The following SYTL3 variants were observed in gnomAD, a reference collection of about 807,000 sequenced individuals.
SYTL3 encodes synaptotagmin like 3, also known as synaptotagmin-like protein 3.
Under a neutral mutation model 82.1 loss-of-function variants are expected in SYTL3, and 88 were observed. That is an observed-to-expected ratio of 1.07 (90% confidence interval 0.90 to 1.28). The LOEUF is 1.28. Among genes scored for constraint, SYTL3 ranks in the 50% most tolerant of loss-of-function variants. The pLI, the probability that SYTL3 is intolerant of heterozygous loss-of-function variation, is 0.00. For synonymous variants in SYTL3, 311 were observed against 289.4 expected (o/e 1.07, Z -0.76); for missense variants, 831 against 757.6 (o/e 1.10, Z -1.14).
chr6:158,672,556 C>G (rs201212882), intron 5 of SYTL3, among the ~76,000 whole-genome samples: 5 of 126,186 alleles, frequency 4.0e-5, no homozygotes, highest in African/African-American at 1.2e-4. Context: ...TTTTTTGTTT[C>G]TTTTTTTTTT....
upstream of SYTL3, chr6:158,650,011 A>G (rs548383531): frequency 6.6e-5 from 10 of 152,214 alleles, no homozygotes; most frequent in African/African-American, 2.2e-4. Context: ...CAGTTACTCT[A>G]ACAAGAAGAA....
chr6:158,708,457 A>G, intron 8 of SYTL3, 66 bp downstream of exon 8: 2 of 1,492,780 alleles, frequency 1.3e-6, no homozygotes, highest in Non-Finnish European at 1.9e-6. Context: ...GAAGCAGGGG[A>G]GCTTTCGAGG....
chr6:158,718,720 C>T (rs1264924407), intron 10 of SYTL3, among the ~76,000 whole-genome samples: 1 of 152,238 alleles, frequency 6.6e-6, no homozygotes, highest in African/African-American at 2.4e-5. Context: ...AATAATTATT[C>T]CACCTTCCCA....
At chr6:158,652,992 T>C (rs763138402) in intron 2 of SYTL3, among the ~76,000 whole-genome samples, 2 of 152,198 alleles carry the variant, frequency 1.3e-5, no homozygotes, top group South Asian at 2.1e-4. Flanking sequence ...TGAGGTGTCA[T>C]TCGCTTCCCA....
intron 6 of SYTL3, among the ~76,000 whole-genome samples, chr6:158,692,211 TTGTG>T: frequency 8.2e-6 from 1 of 122,472 alleles, no homozygotes; most frequent in Admixed American, 1.1e-4. Flanking sequence ...TGAGCCCAGA[TTGTG>T]CCACTGCACT....
At chr6:158,667,958 T>A (rs9457426) in intron 5 of SYTL3, among the ~76,000 whole-genome samples, 33,957 of 152,188 alleles carry the variant, frequency 0.22, 3,991 homozygotes, top group Non-Finnish European at 0.26. Context: ...GCTGAGTGGC[T>A]CAAGACGACT....
At chr6:158,687,832 A>G (rs1320063887) in intron 6 of SYTL3, among the ~76,000 whole-genome samples, 2 of 152,188 alleles carry the variant, frequency 1.3e-5, no homozygotes, top group East Asian at 3.8e-4. Context: ...CTTTCTGATT[A>G]CAGAAGTAAT....
At chr6:158,704,294 C>G (rs1412724970) in intron 6 of SYTL3, among the ~76,000 whole-genome samples, 1 of 152,238 alleles carries the variant, frequency 6.6e-6, no homozygotes, top group Non-Finnish European at 1.5e-5. Context: ...CGGGCCCCTC[C>G]CTGGGGCCAG....
intron 11 of SYTL3, among the ~76,000 whole-genome samples, chr6:158,732,723 G>A (rs1266774870): frequency 1.3e-5 from 2 of 152,130 alleles, no homozygotes; most frequent in East Asian, 3.8e-4. Context: ...GTAACGTCAG[G>A]CACTTCCAAG....
intron 8 of SYTL3, among the ~76,000 whole-genome samples, chr6:158,712,759 C>CTT (rs56677894): frequency 3.4e-4 from 44 of 127,658 alleles, no homozygotes; most frequent in Admixed American, 7.2e-4. Flanking sequence ...TTCTTTCTTT[C>CTT]TTTTTTTTTT....
At chr6:158,651,586 CAAAT>C (rs886903922) in intron 1 of SYTL3, among the ~76,000 whole-genome samples, 163 bp from the exon 2 acceptor site, 45 of 151,750 alleles carry the variant, frequency 3.0e-4, no homozygotes, top group South Asian at 6.2e-4. Context: ...GACTCCATCT[CAAAT>C]AAATAAATAA....
chr6:158,728,930 C>G (rs966442989), intron 11 of SYTL3, among the ~76,000 whole-genome samples: 9 of 152,160 alleles, frequency 5.9e-5, no homozygotes, highest in Non-Finnish European at 1.2e-4. Flanking sequence ...GTCCCAGCTA[C>G]TCAGGAGGCT....
intron 6 of SYTL3, among the ~76,000 whole-genome samples, chr6:158,693,228 A>AT (rs997554016): frequency 2.6e-5 from 4 of 152,080 alleles, no homozygotes; most frequent in Non-Finnish European, 5.9e-5. Flanking sequence ...CTTTTGTTTT[A>AT]TTTTTTTGAG....
chr6:158,664,852 A>G (rs1273184667), intron 4 of SYTL3, among the ~76,000 whole-genome samples: 2 of 152,080 alleles, frequency 1.3e-5, no homozygotes, highest in Non-Finnish European at 2.9e-5. Context: ...GGTCCAATAC[A>G]GTATCTCTTT....
chr6:158,758,236 T>A (rs1299754503), intron 14 of SYTL3, among the ~76,000 whole-genome samples: 1 of 152,032 alleles, frequency 6.6e-6, no homozygotes, highest in African/African-American at 2.4e-5. Context: ...GTCAGGAGAT[T>A]GAGACCATCC....
At chr6:158,736,275 C>T (rs547348784) in intron 11 of SYTL3, among the ~76,000 whole-genome samples, 9 of 151,698 alleles carry the variant, frequency 5.9e-5, no homozygotes, top group South Asian at 4.2e-4. Context: ...GGCATGAACC[C>T]GGGAGGCAGA....
intron 6 of SYTL3, among the ~76,000 whole-genome samples, chr6:158,683,536 T>A (rs1778970291): frequency 6.6e-6 from 1 of 152,172 alleles, no homozygotes; most frequent in Admixed American, 6.5e-5. Flanking sequence ...CCCCATTCTT[T>A]AAGGCTCGTG....
At chr6:158,718,544 C>T (rs889772698) in intron 10 of SYTL3, among the ~76,000 whole-genome samples, 1 of 152,232 alleles carries the variant, frequency 6.6e-6, no homozygotes, top group Non-Finnish European at 1.5e-5. Context: ...CCACACCTGC[C>T]GGGTTAGCCC....
chr6:158,652,390 AG>A (rs1292489696), intron 2 of SYTL3, among the ~76,000 whole-genome samples: 1 of 152,034 alleles, frequency 6.6e-6, no homozygotes, highest in Non-Finnish European at 1.5e-5. Flanking sequence ...CTGGGACTAT[AG>A]GCACCTGCCG....
Sources: gnomAD v4.1 joint callset for allele counts (sites outside exome capture counted in the v4.1 genomes callset) on GRCh38, gnomAD v4.1.1 for gene constraint, MANE v1.5 for transcripts, NCBI Gene and HGNC (gene_info 2026-07-23, HGNC 2026-07-21) for gene names.